C6: variants seen among roughly 807,000 people sequenced by gnomAD.
C6 encodes the protein complement component C6.
C6 carries 101 observed loss-of-function variants against 112.9 expected under a neutral mutation model. The observed-to-expected ratio is 0.89, with a 90% confidence interval of 0.76 to 1.06. The LOEUF (loss-of-function observed/expected upper bound fraction) is 1.06, where lower values mean the gene tolerates loss of function less well. C6 is among the 50% of genes least tolerant of loss of function. The probability of loss-of-function intolerance (pLI) is 0.00; values close to 1 mark genes in which losing one functional copy is unlikely to be tolerated. For missense variants in C6, 1,202 were observed against 1,104.6 expected (o/e 1.09, Z -1.25); for synonymous variants, 431 against 384.1 (o/e 1.12, Z -1.43).
intron 9 of C6, among the ~76,000 whole-genome samples, chr5:41,163,231 G>A (rs188345553): frequency 1.3e-5 from 2 of 150,060 alleles, no homozygotes; most frequent in Non-Finnish European, 3.0e-5. Flanking sequence ...AAGCCACATC[G>A]TAAGATGAAC....
intron 1 of C6, among the ~76,000 whole-genome samples, chr5:41,206,291 A>C (rs1751429304): frequency 6.6e-6 from 1 of 152,244 alleles, no homozygotes; most frequent in Non-Finnish European, 1.5e-5. Context: ...AAAGCTGAAA[A>C]TTCTAAAAAT....
Position 41,202,735 on chromosome 5 carries a change from C to T in C6, c.143+353G>A, listed in dbSNP as rs970188161. Among the ~76,000 whole-genome samples the T allele has an allele frequency of 1.6e-4, 24 of 152,080 alleles. 1 individual carries two copies. Among genetic ancestry groups the T allele is most frequent in the African/African-American group, 5.6e-4 (23 of 41,424 alleles). ...TGCTCAATTGAGGTCCTGTTAGACT[C>T]GATTTAATGAGTAGAAAATTCTCTA... On this transcript the variant is annotated intron_variant, in intron 2 of 17. Transcript: ENST00000337836.
At chr5:41,176,377 A>C (rs1206429925) in intron 8 of C6, 98 bp downstream of exon 8, 1 of 1,248,090 alleles carries the variant, frequency 8.0e-7, no homozygotes, top group East Asian at 2.4e-5. Flanking sequence ...CAGGATCTAA[A>C]TAAAGTCAAA....
At chr5:41,169,601 G>C (rs1199804708) in intron 9 of C6, among the ~76,000 whole-genome samples, 2 of 152,118 alleles carry the variant, frequency 1.3e-5, no homozygotes, top group Non-Finnish European at 2.9e-5. Context: ...GGCTGTACAG[G>C]AAGCCTGGCA....
chr5:41,178,220 A>G (rs1022427659), intron 7 of C6, among the ~76,000 whole-genome samples: 3 of 152,130 alleles, frequency 2.0e-5, no homozygotes, highest in African/African-American at 7.2e-5. Flanking sequence ...TAATAATATT[A>G]TTGTGGTTTC....
chr5:41,224,679 T>C (rs1436765699), intron 1 of C6, among the ~76,000 whole-genome samples: 3 of 152,168 alleles, frequency 2.0e-5, no homozygotes, highest in Non-Finnish European at 4.4e-5. Flanking sequence ...ATTTCCTCTG[T>C]TTGGCTATTA....
chr5:41,158,980 A>G, intron 12 of C6, 102 bp downstream of exon 12: 1 of 1,403,274 alleles, frequency 7.1e-7, no homozygotes, highest in Non-Finnish European at 1.0e-6. Context: ...GTAAAGTTCT[A>G]ATTATTTCTT....
intron 1 of C6, among the ~76,000 whole-genome samples, chr5:41,210,542 C>T (rs533766314): frequency 2.6e-5 from 4 of 152,062 alleles, no homozygotes; most frequent in African/African-American, 9.7e-5. Context: ...ACAACCCCAT[C>T]AAAAAGTGGG....
chr5:41,243,134 G>T (rs1740828548), intron 1 of C6, among the ~76,000 whole-genome samples: 1 of 152,080 alleles, frequency 6.6e-6, no homozygotes, highest in African/African-American at 2.4e-5. Flanking sequence ...AAATTGCTAA[G>T]TGACTAAGTT....
intron 15 of C6, chr5:41,152,792 G>T (rs1402692400): frequency 2.0e-5 from 3 of 152,152 alleles, no homozygotes; most frequent in African/African-American, 4.8e-5. Context: ...GAGCAGCAAG[G>T]TATACATTGT....
At chr5:41,241,446 G>A (rs148969745) in intron 1 of C6, among the ~76,000 whole-genome samples, 59 of 152,256 alleles carry the variant, frequency 3.9e-4, no homozygotes, top group African/African-American at 1.4e-3. Flanking sequence ...AATAAATTTG[G>A]AGGAATCAAA....
intron 5 of C6, among the ~76,000 whole-genome samples, chr5:41,186,770 G>A (rs1176663501): frequency 2.6e-5 from 4 of 151,920 alleles, no homozygotes; most frequent in South Asian, 2.1e-4. Context: ...ACTTGGTTAA[G>A]TACTTTACTA....
intron 1 of C6, among the ~76,000 whole-genome samples, chr5:41,225,399 A>G (rs1739425595): frequency 1.3e-5 from 2 of 152,186 alleles, no homozygotes; most frequent in African/African-American, 4.8e-5. Flanking sequence ...AAATGAACTC[A>G]TCATTTTTTA....
chr5:41,242,822 A>G (rs1027660353), intron 1 of C6, among the ~76,000 whole-genome samples: 6 of 152,204 alleles, frequency 3.9e-5, no homozygotes, highest in Non-Finnish European at 8.8e-5. Context: ...CTTAAAAAAG[A>G]AGGAAATTCT....
chr5:41,184,819 C>T (rs911371764), intron 6 of C6, among the ~76,000 whole-genome samples: 1 of 152,046 alleles, frequency 6.6e-6, no homozygotes, highest in African/African-American at 2.4e-5. Flanking sequence ...CAATTTTCTA[C>T]CTTTCTGGGG....
chr5:41,167,207 A>G (rs1748052885), intron 9 of C6, among the ~76,000 whole-genome samples: 1 of 152,128 alleles, frequency 6.6e-6, no homozygotes, highest in African/African-American at 2.4e-5. Flanking sequence ...TTATAAATCT[A>G]GCAAAAATCA....
intron 16 of C6, among the ~76,000 whole-genome samples, chr5:41,149,707 T>C (rs893587734): frequency 1.3e-5 from 2 of 152,182 alleles, no homozygotes; most frequent in Non-Finnish European, 2.9e-5. Flanking sequence ...AAAATGAGAC[T>C]GTTATAATGA....
Position 41,195,951 on chromosome 5 carries a change from A to G in C6, c.446-18T>C. The G allele has an allele frequency of 6.2e-7, 1 of 1,613,442 alleles. No individual in the cohort carries two copies. The highest frequency in any genetic ancestry group is 8.5e-7 in the Non-Finnish European group (1 of 1,179,726). On this transcript the variant is annotated intron_variant, in intron 4 of 17. Transcript: ENST00000337836. ...GCAGCGGCCTAGTCAAGAAAAGCAA[A>G]CAAAATCAATGCAACAAATTATCAT...
chr5:41,251,239 A>T (rs1741339769), intron 1 of C6, among the ~76,000 whole-genome samples: 2 of 152,230 alleles, frequency 1.3e-5, no homozygotes, highest in Non-Finnish European at 2.9e-5. Context: ...GATTCAGGCC[A>T]AAAGGAACTT....
Sources: allele counts gnomAD v4.1 joint callset (sites outside exome capture counted in the v4.1 genomes callset), GRCh38; gene constraint gnomAD v4.1.1; transcripts MANE v1.5; gene names NCBI Gene and HGNC (gene_info 2026-07-23, HGNC 2026-07-21).